AK4: variants seen among roughly 807,000 people sequenced by gnomAD.
AK4 encodes adenylate kinase 4, mitochondrial.
Under a neutral mutation model 24.6 loss-of-function variants are expected in AK4, and 13 were observed. The observed-to-expected ratio is 0.53, with a 90% confidence interval of 0.34 to 0.84. The LOEUF (loss-of-function observed/expected upper bound fraction) is 0.84, where lower values mean the gene tolerates loss of function less well. Among genes scored for constraint, AK4 ranks in the 40% least tolerant of loss-of-function variants. The pLI, the probability that AK4 is intolerant of heterozygous loss-of-function variation, is 0.01. For synonymous variants in AK4, 88 were observed against 107.0 expected (o/e 0.82, Z 1.10); for missense variants, 192 against 288.2 (o/e 0.67, Z 2.42).
At chr1:65,197,998 T>G (rs530688308) in intron 2 of AK4, among the ~76,000 whole-genome samples, 20 of 152,330 alleles carry the variant, frequency 1.3e-4, no homozygotes, top group African/African-American at 4.3e-4. Flanking sequence ...TAGATTTGTT[T>G]AGAAGGTTAC....
chr1:65,190,568 A>T, intron 1 of AK4, 142 bp from the exon 2 acceptor site: 1 of 943,608 alleles, frequency 1.1e-6, no homozygotes, highest in Non-Finnish European at 1.5e-6. Flanking sequence ...TGAATATTTT[A>T]AAAACTTAAA....
chr1:65,181,116 T>C (rs1032949531), intron 1 of AK4, among the ~76,000 whole-genome samples: 1 of 149,752 alleles, frequency 6.7e-6, no homozygotes, highest in Admixed American at 6.8e-5. Flanking sequence ...CTTCACTTTA[T>C]AGACAGTCAC....
intron 1 of AK4, among the ~76,000 whole-genome samples, chr1:65,168,868 C>T (rs1200789774): frequency 1.3e-5 from 2 of 152,068 alleles, no homozygotes; most frequent in African/African-American, 4.8e-5. Flanking sequence ...ATGCTGGTAG[C>T]ATGGTGGAAA....
intron 3 of AK4, among the ~76,000 whole-genome samples, chr1:65,223,682 A>G (rs1217061804): frequency 6.6e-6 from 1 of 152,164 alleles, no homozygotes; most frequent in Non-Finnish European, 1.5e-5. Context: ...GCAGAAAATC[A>G]TATACATTTT....
Position 65,148,392 on chromosome 1 carries a change from C to G in AK4, c.-16C>G, listed in dbSNP as rs751499026. The G allele has an allele frequency of 1.6e-5, 24 of 1,527,340 alleles. No homozygotes were observed. The South Asian group carries it at 2.2e-4, about 14-fold the overall frequency. The allele number at this position is 1,527,340 out of a possible 1,614,324, so 94.6% of individuals were successfully genotyped here. On this transcript the variant is annotated 5_prime_UTR_variant, in exon 1 of 5. Coordinates refer to ENST00000327299, the MANE Select transcript of AK4 (RefSeq NM_013410.4). ...TCGGGGCTGCGCGTTTGACCGCCCC[C>G]CTCCTCGCGAAGGCAATGGCTTCCA...
chr1:65,166,748 T>G (rs1002830250), intron 1 of AK4, among the ~76,000 whole-genome samples: 22 of 152,288 alleles, frequency 1.4e-4, no homozygotes, highest in African/African-American at 5.1e-4. Context: ...CTTGAACTCC[T>G]GGACTCAAGC....
chr1:65,181,156 TGTGGGTGC>T (rs1443237349), intron 1 of AK4, among the ~76,000 whole-genome samples: 1 of 150,510 alleles, frequency 6.6e-6, no homozygotes, highest in Non-Finnish European at 1.5e-5. Context: ...TGTGTGGGTG[TGTGGGTGC>T]TAGAAACAAT....
intron 1 of AK4, among the ~76,000 whole-genome samples, chr1:65,189,655 G>GCA (rs71681774): frequency 0.097 from 13,133 of 135,612 alleles, 743 homozygotes; most frequent in Admixed American, 0.24. Flanking sequence ...ACATACGCGT[G>GCA]CACACACACA....
intron 3 of AK4, among the ~76,000 whole-genome samples, chr1:65,223,360 T>C (rs1652353906): frequency 6.6e-6 from 1 of 152,070 alleles, no homozygotes. Context: ...GGCTAATTTT[T>C]GTATTTTTAG....
At chr1:65,190,591 C>A in intron 1 of AK4, 119 bp from the exon 2 acceptor site, 1 of 1,192,432 alleles carries the variant, frequency 8.4e-7, no homozygotes, top group Non-Finnish European at 1.2e-6. Context: ...ATGTCTACAA[C>A]TTCCTAGGAA....
At chr1:65,162,649 C>T (rs1038335799) in intron 1 of AK4, among the ~76,000 whole-genome samples, 12 of 151,712 alleles carry the variant, frequency 7.9e-5, no homozygotes, top group East Asian at 7.7e-4. Flanking sequence ...GAGACCATCC[C>T]GGCTAACACG....
Position 65,202,889 on chromosome 1 carries a change from T to TTTTTTA in AK4, c.265+12060_265+12061insTTTTTA, listed in dbSNP as rs781312203. ...GTCTTTTTTTTTTTTTTTTTTTTTT[T>TTTTTTA]AAGATGGGGTTGTGCTCTGTCACCC... On this transcript the variant is annotated intron_variant, in intron 2 of 4. Transcript: ENST00000327299. 2.3e-5 allele frequency among the ~76,000 whole-genome samples: 3 copies of TTTTTTA among 133,234 alleles called. No individual in the cohort carries two copies. In the East Asian group the frequency reaches 7.2e-4, roughly 32 times the overall value. The allele number at this position is 133,234 out of a possible 152,430, so 87.4% of individuals were successfully genotyped here. A position where few individuals can be genotyped will look rare whatever the true frequency, so the allele number is the denominator to read the frequency against.
intron 2 of AK4, among the ~76,000 whole-genome samples, chr1:65,216,580 A>T (rs950228729): frequency 7.3e-5 from 9 of 124,102 alleles, no homozygotes; most frequent in Non-Finnish European, 1.4e-4. Context: ...GTTTGCGGGG[A>T]AAGAGTTTAT....
At chr1:65,154,567 C>G (rs888345336) in intron 1 of AK4, 11 of 519,860 alleles carry the variant, frequency 2.1e-5, no homozygotes, top group African/African-American at 1.9e-4. Flanking sequence ...CCGGCACTGT[C>G]TGATCCAGAA....
intron 1 of AK4, among the ~76,000 whole-genome samples, chr1:65,173,362 CT>C (rs1364164088): frequency 6.6e-6 from 1 of 152,146 alleles, no homozygotes; most frequent in Non-Finnish European, 1.5e-5. Flanking sequence ...TGTCCTCCAG[CT>C]TTATATACCG....
rs551167847 is a variant in AK4 at position 65,188,136 on chromosome 1, T to C, written c.146-2574T>C. Among the ~76,000 whole-genome samples, 7 of 152,310 alleles carry C rather than the reference T, an allele frequency of 4.6e-5. No homozygotes were observed. In the East Asian group the frequency reaches 1.4e-3, roughly 29 times the overall value. Reference sequence around the variant, plus strand: ...GAGGCCAGGCATGGTGTCTCATGCCTGTAATCCCAGCACTTTGGGAGGCAG... The same window carrying C: ...GAGGCCAGGCATGGTGTCTCATGCCCGTAATCCCAGCACTTTGGGAGGCAG... On this transcript the variant is annotated intron_variant, in intron 1 of 4. Transcript: ENST00000327299.
chr1:65,180,743 T>A (rs539299227), intron 1 of AK4, among the ~76,000 whole-genome samples: 1 of 152,340 alleles, frequency 6.6e-6, no homozygotes, highest in East Asian at 1.9e-4. Flanking sequence ...AACTTGCAGC[T>A]TGAAGAATTA....
chr1:65,218,790 A>G lies in AK4; in HGVS notation c.302A>G (p.Asp101Gly), dbSNP rs1281835626. The change falls in exon 3 of 5, where the codon GAC becomes GGC. Residue 101 changes from aspartate (D) to glycine (G), a missense_variant. Asp to Gly is a moderately conservative substitution (Grantham distance 94). Coordinates refer to ENST00000327299, the MANE Select transcript of AK4 (RefSeq NM_013410.4). ...PRTLGQAEAL[D>G]KICEVDLVIS... is the part of the protein sequence containing the mutation. ...ACATTAGGACAAGCCGAAGCCCTGG[A>G]CAAAATCTGTGAAGTGGATCTAGTG... The G allele has an allele frequency of 6.3e-7, 1 of 1,593,474 alleles. No individual in the cohort carries two copies. Among genetic ancestry groups the G allele is most frequent in the Non-Finnish European group, 8.5e-7 (1 of 1,172,616 alleles).
intron 1 of AK4, among the ~76,000 whole-genome samples, chr1:65,174,093 G>A (rs1650631542): frequency 1.3e-5 from 2 of 152,060 alleles, no homozygotes; most frequent in Non-Finnish European, 2.9e-5. Flanking sequence ...CTCTTTTTCT[G>A]TTCCTCAGCT....
Sources: allele counts gnomAD v4.1 joint callset (sites outside exome capture counted in the v4.1 genomes callset), GRCh38; gene constraint gnomAD v4.1.1; transcripts MANE v1.5; gene names NCBI Gene and HGNC (gene_info 2026-07-23, HGNC 2026-07-21).